ACSF3: variants seen among roughly 807,000 people sequenced by gnomAD.
The protein encoded by ACSF3 is malonate--CoA ligase ACSF3, mitochondrial.
ACSF3 carries 78 observed loss-of-function variants against 53.2 expected under a neutral mutation model. The observed-to-expected ratio is 1.47, with a 90% CI of 1.22 to 1.77. ACSF3 has a LOEUF of 1.77. Among genes scored for constraint, ACSF3 ranks in the 40% most tolerant of loss-of-function variants. The pLI is 0.00. For synonymous variants in ACSF3, 414 were observed against 333.1 expected (o/e 1.24, Z -2.65); for missense variants, 937 against 771.1 (o/e 1.22, Z -2.55).
Position 89,131,127 on chromosome 16 carries a change from C to CTTTTTTTTTTTTTTTTTTT in ACSF3, c.1240-2003_1240-1985dup, listed in dbSNP as rs558773398. Among the ~76,000 whole-genome samples, 100 of 69,554 alleles carry CTTTTTTTTTTTTTTTTTTT rather than the reference C, an allele frequency of 1.4e-3. 1 individual carries two copies. The highest frequency in any genetic ancestry group is 0.019 in the Middle Eastern group (1 of 54). 45.6% of individuals were successfully genotyped at this position (69,554 alleles called of 152,430 possible). On this transcript the variant is annotated intron_variant, in intron 7 of 10. Transcript: ENST00000614302. ...TTTCTTTCTTTTTCTTTTTCTTTTT[C>CTTTTTTTTTTTTTTTTTTT]TTTTTTTTTTTTTTTTTTTTTTTTG...
Position 89,101,143 on chromosome 16 carries a change from G to A in ACSF3, c.462G>A (p.Glu154=), listed in dbSNP as rs984076482. ...TCCTTGCCAGCCAGGAGTACCTGGA[G>A]CTCCTGAGCCCGGTGGTCAGGAAGC... ...SVVLASQEYL[E]LLSPVVRKLG... is the part of the protein sequence containing the mutation. Residue 154 remains glutamate (E), a synonymous_variant, in exon 3 of 11, where the codon GAG becomes GAA. Coordinates refer to ENST00000614302, the MANE Select transcript of ACSF3 (RefSeq NM_001243279.3). The A allele has an allele frequency of 1.2e-6, 2 of 1,613,792 alleles. No individual in the cohort carries two copies. The highest frequency in any genetic ancestry group is 1.3e-5 in the African/African-American group (1 of 74,932).
intron 1 of ACSF3, among the ~76,000 whole-genome samples, chr16:89,096,430 G>A (rs936795572): frequency 2.0e-5 from 3 of 152,232 alleles, no homozygotes; most frequent in Non-Finnish European, 4.4e-5. Context: ...CATCTGCCCT[G>A]AGTAGGCTCT....
intron 8 of ACSF3, among the ~76,000 whole-genome samples, chr16:89,142,030 C>T (rs908130964): frequency 2.6e-5 from 4 of 152,208 alleles, no homozygotes; most frequent in African/African-American, 7.2e-5. Flanking sequence ...CCACTTTCTC[C>T]GGCACAGAAG....
chr16:89,146,055 G>C lies in ACSF3; in HGVS notation c.1613+6G>C, dbSNP rs1482583240. 2 of 1,558,614 alleles carry C rather than the reference G, an allele frequency of 1.3e-6. No homozygotes were observed. Among genetic ancestry groups the C allele is most frequent in the Non-Finnish European group, 1.8e-6 (2 of 1,131,164 alleles). ...GAGCTCAAAGAGTGGGCCAGGTAGGGCTGGGTGGGGCGGGCAGGGAGCACT... is the reference window on the plus strand; with the variant it reads ...GAGCTCAAAGAGTGGGCCAGGTAGGCCTGGGTGGGGCGGGCAGGGAGCACT... On this transcript the variant is annotated splice_donor_region_variant and intron_variant, in intron 10 of 10. Coordinates refer to ENST00000614302, the MANE Select transcript of ACSF3 (RefSeq NM_001243279.3).
intron 4 of ACSF3, among the ~76,000 whole-genome samples, chr16:89,103,328 G>A (rs964499834): frequency 2.0e-5 from 3 of 152,236 alleles, no homozygotes; most frequent in Middle Eastern, 3.2e-3. Flanking sequence ...ATTCTGAGAC[G>A]AGTCTTGCGG....
chr16:89,111,104 C>G (rs150013729), intron 4 of ACSF3, among the ~76,000 whole-genome samples: 1 of 152,148 alleles, frequency 6.6e-6, no homozygotes, highest in Non-Finnish European at 1.5e-5. Flanking sequence ...CTTTGAAATT[C>G]CTTAATCTGC....
chr16:89,094,963 G>T (rs1205579962), intron 1 of ACSF3, among the ~76,000 whole-genome samples: 1 of 152,212 alleles, frequency 6.6e-6, no homozygotes, highest in Non-Finnish European at 1.5e-5. Context: ...TTAGGAATTT[G>T]CTAGAAAGGG....
intron 6 of ACSF3, among the ~76,000 whole-genome samples, chr16:89,115,857 T>C (rs758397583): frequency 6.6e-6 from 1 of 152,244 alleles, no homozygotes; most frequent in Non-Finnish European, 1.5e-5. Context: ...GCCTTTGTTT[T>C]CTTGAGTTTT....
chr16:89,120,981 C>G, intron 7 of ACSF3, 68 bp downstream of exon 7: 2 of 1,379,210 alleles, frequency 1.5e-6, no homozygotes, highest in Non-Finnish European at 2.1e-6. Context: ...GGTGGTTACA[C>G]TGGTGCATCT....
At chr16:89,146,090 T>C (rs1299881595) in intron 10 of ACSF3, 41 bp downstream of exon 10, 1 of 1,474,742 alleles carries the variant, frequency 6.8e-7, no homozygotes, top group African/African-American at 1.4e-5. Flanking sequence ...TCATGGGGTC[T>C]TGGGGGTCCA....
At position 89,101,036 on chromosome 16, in the gene ACSF3, G is replaced by A. The variant is rs1164474630; in HGVS notation, c.355G>A (p.Gly119Ser). 5.0e-6 allele frequency: 8 copies of A among 1,613,762 alleles called. No homozygotes were observed. Among genetic ancestry groups the A allele is most frequent in the African/African-American group, 2.7e-5 (2 of 74,924 alleles). The change falls in exon 3 of 11, where the codon GGC (glycine) becomes AGC (serine). Residue 119 changes from glycine to serine, a missense_variant. Gly to Ser is a moderately conservative substitution (Grantham distance 56, BLOSUM62 0). Transcript: ENST00000614302. Reference protein sequence around the residue: ...VVAQWASWMSGGVAVPLYRKH... With the variant: ...VVAQWASWMSSGVAVPLYRKH... The stretch of plus-strand genomic sequence containing the variant: ...GGCCCAGTGGGCGTCATGGATGAGT[G>A]GCGGTGTGGCAGTCCCCCTCTACAG...
intron 8 of ACSF3, 96 bp from the exon 9 acceptor site, chr16:89,145,171 G>C (rs1219200889): frequency 6.2e-7 from 1 of 1,612,802 alleles, no homozygotes; most frequent in Non-Finnish European, 8.5e-7. Context: ...AGGACACCGT[G>C]GTGTTTAAGG....
intron 7 of ACSF3, among the ~76,000 whole-genome samples, chr16:89,124,088 G>A (rs367905709): frequency 1.5e-3 from 6 of 3,894 alleles, no homozygotes; most frequent in African/African-American, 3.2e-3. Context: ...CCTAGTGTGC[G>A]CATGGGTATC....
chr16:89,155,009 G>A lies in ACSF3; in HGVS notation c.*802G>A, dbSNP rs1213155470. The A allele has an allele frequency of 2.2e-6, 1 of 454,006 alleles. No homozygotes were observed. Among genetic ancestry groups the A allele is most frequent in the Non-Finnish European group, 4.4e-6 (1 of 226,784 alleles). The allele number at this position is 454,006 out of a possible 1,614,324, so 28.1% of individuals were successfully genotyped here. A position where few individuals can be genotyped will look rare whatever the true frequency, so the allele number is the denominator to read the frequency against. ...ACCTGCCCCATGGCCCCCATTTCAT[G>A]TCTGTGGCTCACCAGCTTTTCCCCA... On this transcript the variant is annotated 3_prime_UTR_variant, in exon 11 of 11. Transcript: ENST00000614302.
rs188764446 is a variant in ACSF3, at chr16:89,137,065, C to T, written c.1366+3803C>T. On this transcript the variant is annotated intron_variant, in intron 8 of 10. Coordinates refer to ENST00000614302, the MANE Select transcript of ACSF3 (RefSeq NM_001243279.3). ...GTGACGTGGAGGTGGGCACCTCTGC[C>T]GGGCAGATGCGGGAGCAGCAGCAGC... Among the ~76,000 whole-genome samples the T allele has an allele frequency of 9.1e-4, 138 of 152,288 alleles. 4 individuals carry two copies. In the East Asian group the frequency reaches 0.019, roughly 20 times the overall value.
At chr16:89,142,764 C>T (rs1912092890) in intron 8 of ACSF3, among the ~76,000 whole-genome samples, 1 of 151,946 alleles carries the variant, frequency 6.6e-6, no homozygotes, top group Non-Finnish European at 1.5e-5. Flanking sequence ...GACACACCCA[C>T]ACCTACAGAG....
At chr16:89,111,989 C>T in intron 4 of ACSF3, 103 bp from the exon 5 acceptor site, 1 of 568,928 alleles carries the variant, frequency 1.8e-6, no homozygotes, top group Non-Finnish European at 2.4e-6. Context: ...GCTGCAGACT[C>T]TTGAATGTGA....
At chr16:89,120,731 C>T (rs1906427460) in intron 6 of ACSF3, 70 bp from the exon 7 acceptor site, 14 of 1,450,296 alleles carry the variant, frequency 9.7e-6, no homozygotes, top group Non-Finnish European at 1.4e-5. Flanking sequence ...GATCCGAGCT[C>T]AGTGTGTGCT....
chr16:89,101,516 G>A (rs984906602), intron 3 of ACSF3, among the ~76,000 whole-genome samples, 169 bp downstream of exon 3: 1 of 152,214 alleles, frequency 6.6e-6, no homozygotes, highest in Admixed American at 6.5e-5. Flanking sequence ...GGGTGTGGCC[G>A]CTGGCCTCAC....
Sources: allele counts gnomAD v4.1 joint callset (sites outside exome capture counted in the v4.1 genomes callset), GRCh38; gene constraint gnomAD v4.1.1; transcripts MANE v1.5; gene names NCBI Gene and HGNC (gene_info 2026-07-23, HGNC 2026-07-21).